ANK2: variants seen among roughly 807,000 people sequenced by gnomAD.
ANK2 encodes ankyrin 2.
In ANK2, 83 loss-of-function variants were observed where a neutral mutation model predicts 360.5. The observed-to-expected ratio is 0.23, with a 90% CI of 0.19 to 0.28. ANK2 has a LOEUF of 0.28. Among genes scored for constraint, ANK2 ranks in the 10% least tolerant of loss-of-function variants. ANK2 has a pLI of 1.00. For synonymous variants in ANK2, 1,740 were observed against 1,759.5 expected, an observed-to-expected ratio of 0.99 and a Z score of 0.28; for missense variants, 4,201 against 4,795.7, an observed-to-expected ratio of 0.88 and a Z score of 3.66.
chr4:112,925,648 G>A (rs551255439), intron 2 of ANK2, among the ~76,000 whole-genome samples: 1 of 152,146 alleles, frequency 6.6e-6, no homozygotes, highest in African/African-American at 2.4e-5. Context: ...AAAATCAAAA[G>A]GTATAAGTAT....
At chr4:113,118,486 A>T (rs1441457659) in intron 1 of ANK2, among the ~76,000 whole-genome samples, 1 of 152,290 alleles carries the variant, frequency 6.6e-6, no homozygotes, top group East Asian at 1.9e-4. Flanking sequence ...GACACTTGAG[A>T]ACCAACATTG....
At chr4:113,196,563 T>C (rs926725744) in intron 3 of ANK2, 97 bp downstream of exon 3, 2 of 1,159,330 alleles carry the variant, frequency 1.7e-6, no homozygotes. Context: ...GGTCTCTTTC[T>C]GTTGCCCAGG....
chr4:113,224,464 C>T (rs2099190576), intron 4 of ANK2, among the ~76,000 whole-genome samples: 1 of 152,168 alleles, frequency 6.6e-6, no homozygotes, highest in African/African-American at 2.4e-5. Flanking sequence ...ACCTCCTATT[C>T]TCTCCTGAAC....
At chr4:112,908,539 A>G (rs1229149797) in intron 2 of ANK2, among the ~76,000 whole-genome samples, 1 of 152,190 alleles carries the variant, frequency 6.6e-6, no homozygotes, top group Non-Finnish European at 1.5e-5. Context: ...GCAATGGCTC[A>G]CTGAGAAAAA....
intron 2 of ANK2, among the ~76,000 whole-genome samples, chr4:112,942,448 T>A (rs1296592523): frequency 6.6e-6 from 1 of 152,114 alleles, no homozygotes; most frequent in Non-Finnish European, 1.5e-5. Context: ...TATCTTTAAA[T>A]GATATTATGC....
intron 4 of ANK2, among the ~76,000 whole-genome samples, chr4:113,201,580 C>T (rs2098831504): frequency 6.6e-6 from 1 of 152,318 alleles, no homozygotes; most frequent in South Asian, 2.1e-4. Context: ...GTTCTCCTGA[C>T]TTTGACAGGA....
At chr4:113,175,207 A>G (rs1036310328) in intron 2 of ANK2, among the ~76,000 whole-genome samples, 1 of 152,172 alleles carries the variant, frequency 6.6e-6, no homozygotes, top group African/African-American at 2.4e-5. Flanking sequence ...CTAGGAAGTG[A>G]ATAATTCTGG....
At chr4:113,116,656 T>C (rs1190005195) in intron 1 of ANK2, among the ~76,000 whole-genome samples, 1 of 152,202 alleles carries the variant, frequency 6.6e-6, no homozygotes, top group Non-Finnish European at 1.5e-5. Context: ...TGTCATGTGC[T>C]ACAGCAGAGC....
At chr4:113,088,558 G>A (rs2154351915) in intron 1 of ANK2, among the ~76,000 whole-genome samples, 1 of 151,948 alleles carries the variant, frequency 6.6e-6, no homozygotes, top group South Asian at 2.1e-4. Flanking sequence ...ATGTAACAAA[G>A]CTTGAAAACC....
At chr4:112,957,490 C>T (rs2029880592) in intron 2 of ANK2, among the ~76,000 whole-genome samples, 1 of 152,218 alleles carries the variant, frequency 6.6e-6, no homozygotes, top group Non-Finnish European at 1.5e-5. Context: ...TCCACAAAAC[C>T]ACCATTGTCA....
intron 1 of ANK2, among the ~76,000 whole-genome samples, chr4:112,883,994 T>A: frequency 7.2e-6 from 1 of 139,524 alleles, no homozygotes; most frequent in East Asian, 2.0e-4. Flanking sequence ...AAATAGAGAT[T>A]TAAACAATTA....
At chr4:113,347,293 T>C (rs2094967485) in intron 35 of ANK2, among the ~76,000 whole-genome samples, 1 of 152,172 alleles carries the variant, frequency 6.6e-6, no homozygotes, top group African/African-American at 2.4e-5. Flanking sequence ...ATTCCAAGAA[T>C]TAAAATATAG....
At chr4:112,790,980 G>C in the ANK2 span, among the ~76,000 whole-genome samples, 1 of 152,176 alleles carries the variant, frequency 6.6e-6, no homozygotes, top group Non-Finnish European at 1.5e-5. Flanking sequence ...ACTTGTCTAA[G>C]AAAGACAGTG....
At chr4:112,804,319 C>A in the ANK2 span, among the ~76,000 whole-genome samples, 2 of 152,146 alleles carry the variant, frequency 1.3e-5, no homozygotes, top group Admixed American at 6.6e-5. Flanking sequence ...CGTGCCCGGC[C>A]AATCTCACAG....
the ANK2 span, among the ~76,000 whole-genome samples, chr4:112,710,185 T>A: frequency 6.6e-6 from 1 of 152,264 alleles, no homozygotes; most frequent in East Asian, 1.9e-4. Flanking sequence ...AAATTGGAAG[T>A]TAGGGATTTA....
At chr4:112,787,511 C>G in the ANK2 span, among the ~76,000 whole-genome samples, 3 of 152,190 alleles carry the variant, frequency 2.0e-5, no homozygotes, top group Non-Finnish European at 4.4e-5. Flanking sequence ...CTTCCTTTCT[C>G]CCTCTCATCA....
intron 2 of ANK2, among the ~76,000 whole-genome samples, chr4:113,005,582 G>A (rs1280182578): frequency 1.3e-5 from 2 of 152,168 alleles, no homozygotes; most frequent in Non-Finnish European, 2.9e-5. Flanking sequence ...GAGACTGTGA[G>A]GGGTGGGTAG....
At chr4:112,964,248 C>G (rs1402374011) in intron 2 of ANK2, among the ~76,000 whole-genome samples, 2 of 151,114 alleles carry the variant, frequency 1.3e-5, no homozygotes, top group African/African-American at 4.9e-5. Flanking sequence ...TCCAAATATA[C>G]TCTTTTAGTT....
At chr4:113,301,675 C>G (rs576524564) in intron 22 of ANK2, among the ~76,000 whole-genome samples, 1 of 152,162 alleles carries the variant, frequency 6.6e-6, no homozygotes, top group African/African-American at 2.4e-5. Context: ...CACCAGGTGT[C>G]TATTCTGTGC....
Sources: gnomAD v4.1 joint callset for allele counts (sites outside exome capture counted in the v4.1 genomes callset) on GRCh38, gnomAD v4.1.1 for gene constraint, MANE v1.5 for transcripts, NCBI Gene and HGNC (gene_info 2026-07-23, HGNC 2026-07-21) for gene names.